The following HIVEP3 variants were observed in gnomAD, a reference collection of about 807,000 sequenced individuals.
HIVEP3 encodes the protein transcription factor HIVEP3.
A neutral mutation model predicts 152.8 loss-of-function variants in HIVEP3; 49 were observed. The ratio of observed to expected loss-of-function variants is 0.32; its 90% CI spans 0.26 to 0.41. The LOEUF (loss-of-function observed/expected upper bound fraction) is 0.41. HIVEP3 is among the 10% of genes least tolerant of loss of function. The pLI is 1.00. For missense variants in HIVEP3, 2,790 were observed against 3,103.3 expected, an observed-to-expected ratio of 0.90 and a Z score of 2.40; for synonymous variants, 1,269 against 1,289.0, an observed-to-expected ratio of 0.98 and a Z score of 0.33.
rs1315620376 is a variant in HIVEP3, at chr1:41,873,466, T to A, written c.-801+44947A>T. Reference sequence around the variant, plus strand: ...AGGACAAGCATCATTTAATGTCATGTCATATAATTAGTATGGAAACTACAA... The same window carrying A: ...AGGACAAGCATCATTTAATGTCATGACATATAATTAGTATGGAAACTACAA... On this transcript the variant is annotated intron_variant, in intron 1 of 8. Transcript: ENST00000372583. This position sits in a 1 kb window ranked among gnomAD's most constrained non-coding sequence, Gnocchi z 4.2. Among the ~76,000 whole-genome samples, 1 of 152,238 alleles carries A rather than the reference T, an allele frequency of 6.6e-6. No homozygotes were observed. The highest frequency in any genetic ancestry group is 1.5e-5 in the Non-Finnish European group (1 of 68,046).
rs142782695 is a variant in HIVEP3, at chr1:41,810,242, G to A, written c.-801+108171C>T. 4.4e-3 allele frequency among the ~76,000 whole-genome samples: 665 copies of A among 152,266 alleles called. 6 individuals carry two copies. Among genetic ancestry groups the A allele is most frequent in the Middle Eastern group, 0.024 (7 of 294 alleles). ...GCTATGAAGCTTGTCCCAGTTTTTC[G>A]ATTCTGCCTTCAGGCAGCAACAATC... On this transcript the variant is annotated intron_variant, in intron 1 of 8. Transcript: ENST00000372583.
chr1:41,530,043 C>G (rs1459790602), intron 5 of HIVEP3, among the ~76,000 whole-genome samples: 2 of 151,782 alleles, frequency 1.3e-5, no homozygotes, highest in Non-Finnish European at 2.9e-5. Flanking sequence ...CGCTCATACA[C>G]TCTCCTGGCA....
At chr1:41,516,580 C>T (rs1329795981) in intron 7 of HIVEP3, among the ~76,000 whole-genome samples, 8 of 152,252 alleles carry the variant, frequency 5.3e-5, no homozygotes, top group Non-Finnish European at 5.9e-5. Flanking sequence ...CCTGAGCACA[C>T]CCGTGCTCCC....
chr1:41,586,600 C>T (rs115768194), intron 3 of HIVEP3, among the ~76,000 whole-genome samples: 15 of 152,158 alleles, frequency 9.9e-5, no homozygotes, highest in Non-Finnish European at 1.9e-4. Flanking sequence ...TCACACTCTT[C>T]GTTTCACTAG....
At chr1:41,544,876 C>CCACCA (rs1569842613) in intron 5 of HIVEP3, among the ~76,000 whole-genome samples, 1 of 72,652 alleles carries the variant, frequency 1.4e-5, no homozygotes, top group African/African-American at 8.4e-5. Context: ...ACCACCACCA[C>CCACCA]TACCACCTCT....
chr1:41,566,726 G>A (rs1395485004), intron 5 of HIVEP3, among the ~76,000 whole-genome samples: 1 of 152,118 alleles, frequency 6.6e-6, no homozygotes, highest in South Asian at 2.1e-4. Context: ...TCACCGGGCT[G>A]AGCCTCCTTC....
At chr1:41,809,963 GA>G (rs1650854826) in intron 1 of HIVEP3, among the ~76,000 whole-genome samples, 1 of 152,134 alleles carries the variant, frequency 6.6e-6, no homozygotes, top group South Asian at 2.1e-4. Context: ...ATGTCCATCT[GA>G]TGAAGAGAAC....
intron 1 of HIVEP3, among the ~76,000 whole-genome samples, chr1:42,019,653 CTA>C (rs909770431): frequency 1.1e-4 from 17 of 151,874 alleles, no homozygotes; most frequent in Admixed American, 8.5e-4. Flanking sequence ...TTTGGGTTTT[CTA>C]TATATACAGT....
At chr1:41,811,953 G>GT (rs1650986669) in intron 1 of HIVEP3, among the ~76,000 whole-genome samples, 1 of 152,016 alleles carries the variant, frequency 6.6e-6, no homozygotes, top group Non-Finnish European at 1.5e-5. Context: ...AAGCCCCCGA[G>GT]TGCCCAAGTT....
At chr1:41,642,233 G>A (rs1298192005) in intron 2 of HIVEP3, among the ~76,000 whole-genome samples, 6 of 152,130 alleles carry the variant, frequency 3.9e-5, no homozygotes, top group East Asian at 1.9e-4. Context: ...GTCACTCCTC[G>A]CCCCAAATCC....
At chr1:41,977,934 G>T (rs1645269570) in intron 1 of HIVEP3, among the ~76,000 whole-genome samples, 1 of 152,142 alleles carries the variant, frequency 6.6e-6, no homozygotes, top group Non-Finnish European at 1.5e-5. Flanking sequence ...TGTAACTGGG[G>T]AATCACCTCA....
intron 1 of HIVEP3, among the ~76,000 whole-genome samples, chr1:41,786,887 G>A (rs1160272122): frequency 1.3e-5 from 2 of 151,746 alleles, no homozygotes; most frequent in African/African-American, 4.9e-5. Context: ...CGGTAGCTAG[G>A]ATTACAGGTG....
At chr1:41,926,426 A>G (rs951118555) in intron 1 of HIVEP3, among the ~76,000 whole-genome samples, 8 of 152,216 alleles carry the variant, frequency 5.3e-5, no homozygotes, top group Non-Finnish European at 1.0e-4. Context: ...TATCCTTTGT[A>G]ATTTCACATC....
intron 1 of HIVEP3, among the ~76,000 whole-genome samples, chr1:41,830,951 T>C (rs1337722128): frequency 6.6e-6 from 1 of 152,238 alleles, no homozygotes; most frequent in Non-Finnish European, 1.5e-5. Flanking sequence ...ATCTCAGAGA[T>C]GACTTCTCTG....
chr1:41,637,259 G>T (rs1187677836), intron 2 of HIVEP3, among the ~76,000 whole-genome samples: 1 of 152,182 alleles, frequency 6.6e-6, no homozygotes, highest in Non-Finnish European at 1.5e-5. Flanking sequence ...ATGACCATCA[G>T]CAGGAAATTG....
chr1:41,812,470 T>C (rs1651019523), intron 1 of HIVEP3, among the ~76,000 whole-genome samples: 1 of 151,850 alleles, frequency 6.6e-6, no homozygotes. Flanking sequence ...AACAAAAAAA[T>C]AAATAAGATG....
chr1:41,556,493 T>C (rs1643968569), intron 5 of HIVEP3, among the ~76,000 whole-genome samples: 1 of 152,214 alleles, frequency 6.6e-6, no homozygotes, highest in African/African-American at 2.4e-5. Flanking sequence ...GAGGTTGTTG[T>C]TGTTGAGTTG....
intron 1 of HIVEP3, among the ~76,000 whole-genome samples, chr1:42,007,842 G>A (rs959424088): frequency 6.6e-6 from 1 of 152,122 alleles, no homozygotes; most frequent in African/African-American, 2.4e-5. Flanking sequence ...GTACGGAAGA[G>A]TAGAGATGTC....
chr1:41,645,091 T>A (rs1322304797), intron 2 of HIVEP3, among the ~76,000 whole-genome samples: 2 of 152,118 alleles, frequency 1.3e-5, no homozygotes, highest in South Asian at 4.2e-4. Context: ...CTGAGAACCA[T>A]GCTTTGTCCA....
Sources: allele counts gnomAD v4.1 joint callset (sites outside exome capture counted in the v4.1 genomes callset), GRCh38; gene constraint gnomAD v4.1.1; non-coding constraint Gnocchi (gnomAD v3.1); transcripts MANE v1.5; gene names NCBI Gene and HGNC (gene_info 2026-07-23, HGNC 2026-07-21).